MUC12: variants seen among roughly 807,000 people sequenced by gnomAD.
MUC12 encodes the protein mucin-12.
A neutral mutation model predicts 230.8 loss-of-function variants in MUC12; 172 were observed. That is an observed-to-expected ratio of 0.75 (90% CI 0.66 to 0.85). The LOEUF (loss-of-function observed/expected upper bound fraction) is 0.85. Among genes scored for constraint, MUC12 ranks in the 40% least tolerant of loss-of-function variants. The probability of loss-of-function intolerance (pLI) is 0.00; values close to 1 mark genes in which losing one functional copy is unlikely to be tolerated. For missense variants in MUC12, 3,506 were observed against 5,920.6 expected (o/e 0.59, Z 13.38); for synonymous variants, 1,259 against 2,401.9 (o/e 0.52, Z 13.91).
At position 101,004,722 on chromosome 7, in the gene MUC12, C is replaced by G. The variant is rs915396845; in HGVS notation, c.14159C>G (p.Ser4720Ter). The stretch of plus-strand genomic sequence containing the variant: ...ACCACCTTCTATATCTCTCCAGGCT[C>G]AATGGAAACAACATTAGCCAGCACT... ...ESTTFYISPG[S>*]METTLASTAT... Residue 4720 changes from serine (S) to a stop codon, truncating the protein, a stop_gained, in exon 2 of 12, where the codon TCA becomes TGA. Transcript: ENST00000536621. LOFTEE classifies it high-confidence loss of function. The G allele has an allele frequency of 6.5e-6, 10 of 1,536,944 alleles. No homozygotes were observed. Among genetic ancestry groups the G allele is most frequent in the African/African-American group, 2.7e-5 (2 of 72,992 alleles).
chr7:101,004,552 C>G lies in MUC12; in HGVS notation c.13989C>G (p.Gly4663=), dbSNP rs1562791425. Residue 4663 remains glycine, a synonymous_variant, in exon 2 of 12, where the codon GGC becomes GGG. Coordinates refer to ENST00000536621, the MANE Select transcript of MUC12 (RefSeq NM_001164462.2). ...EEPTSYHSSP[G]SIATTHFPES... ...CTACCAGCTACCACAGCAGCCCGGG[C>G]TCAATTGCAACAACACACTTTCCTG... 5.9e-6 allele frequency: 9 copies of G among 1,537,220 alleles called. No individual in the cohort carries two copies. The highest frequency in any genetic ancestry group is 6.1e-6 in the Non-Finnish European group (7 of 1,146,854).
At chr7:100,988,866 C>T (rs1793234725) in intron 1 of MUC12, among the ~76,000 whole-genome samples, 1 of 152,108 alleles carries the variant, frequency 6.6e-6, no homozygotes, top group African/African-American at 2.4e-5. Flanking sequence ...CAGTTTCCCC[C>T]ATACTGTTCT....
At chr7:100,969,926 G>T (rs1792821444) in intron 1 of MUC12, among the ~76,000 whole-genome samples, 1 of 152,308 alleles carries the variant, frequency 6.6e-6, no homozygotes, top group Admixed American at 6.5e-5. Context: ...ACAGCTCCTG[G>T]CTGAGGGGCG....
At chr7:101,009,458 T>C (rs1344390957) in intron 5 of MUC12, among the ~76,000 whole-genome samples, 1 of 151,220 alleles carries the variant, frequency 6.6e-6, no homozygotes, top group African/African-American at 2.4e-5. Context: ...CTGCTTAGAG[T>C]TTCAGTAAGG....
chr7:101,011,952 G>A (rs1793844368), intron 5 of MUC12, among the ~76,000 whole-genome samples: 1 of 151,994 alleles, frequency 6.6e-6, no homozygotes, highest in South Asian at 2.1e-4. Flanking sequence ...TAAATTTTTT[G>A]AGGAGCTCCA....
At position 100,995,736 on chromosome 7, in the gene MUC12, A is replaced by C; in HGVS notation, c.5173A>C (p.Thr1725Pro). The change falls in exon 2 of 12, where the codon ACA becomes CCA. Residue 1725 changes from threonine to proline, a missense_variant. Coordinates refer to ENST00000536621, the MANE Select transcript of MUC12 (RefSeq NM_001164462.2). ...CCACGGCAGCCCGAGCTCAACTCCA[A>C]CAACCCACTTTTCTGCCAGCTCCAC... ...TSHGSPSSTP[T>P]THFSASSTTL... 6.5e-7 allele frequency: 1 copy of C among 1,534,812 alleles called. No individual in the cohort carries two copies. The highest frequency in any genetic ancestry group is 1.4e-5 in the African/African-American group (1 of 71,906).
At chr7:100,983,406 C>G (rs1020668339) in intron 1 of MUC12, among the ~76,000 whole-genome samples, 2 of 147,642 alleles carry the variant, frequency 1.4e-5, no homozygotes, top group Non-Finnish European at 3.0e-5. Flanking sequence ...GGCAACAGAG[C>G]GAGACTCCGT....
At chr7:100,984,044 C>T (rs980437842) in intron 1 of MUC12, among the ~76,000 whole-genome samples, 1 of 152,100 alleles carries the variant, frequency 6.6e-6, no homozygotes. Flanking sequence ...GGTCTAGGAG[C>T]CCCCATGAGG....
intron 1 of MUC12, among the ~76,000 whole-genome samples, chr7:100,975,979 CTGAG>C (rs951577081): frequency 3.3e-4 from 51 of 152,410 alleles, no homozygotes; most frequent in Admixed American, 2.0e-3. Context: ...ACCCGATAGT[CTGAG>C]TATCATATTA....
chr7:101,014,618 C>T (rs1793888594), intron 9 of MUC12, among the ~76,000 whole-genome samples: 1 of 152,032 alleles, frequency 6.6e-6, no homozygotes, highest in Admixed American at 6.6e-5. Flanking sequence ...GCTGGGATTA[C>T]AAGTGCATTC....
At position 100,992,488 on chromosome 7, in the gene MUC12, A is replaced by T; in HGVS notation, c.1925A>T (p.Asp642Val). The change falls in exon 2 of 12, where the codon GAC (aspartate) becomes GTC (valine). Residue 642 changes from aspartate (D) to valine (V), a missense_variant. Coordinates refer to ENST00000536621, the MANE Select transcript of MUC12 (RefSeq NM_001164462.2). ...TTCCATAGCTGGCCAAGCTCAAAGG[A>T]CACTAGGCCTGCACCTCCTACTACC... ...TTFHSWPSSK[D>V]TRPAPPTTTS... 6.5e-7 allele frequency: 1 copy of T among 1,537,882 alleles called. No individual in the cohort carries two copies. Among genetic ancestry groups the T allele is most frequent in the Non-Finnish European group, 8.7e-7 (1 of 1,147,036 alleles).
Position 100,991,263 on chromosome 7 carries a change from A to G in MUC12, c.700A>G (p.Thr234Ala), listed in dbSNP as rs1793291275. 6.5e-7 allele frequency: 1 copy of G among 1,537,430 alleles called. No homozygotes were observed. The part of the protein sequence containing the change: ...FHSSPGYTKT[T>A]RLPDNTTTSG... ...CAGCAGCCCAGGCTACACTAAAACA[A>G]CACGCTTACCTGACAACACCACAAC... Residue 234 changes from threonine to alanine, a missense_variant, in exon 2 of 12, where the codon ACA (threonine) becomes GCA (alanine). Coordinates refer to ENST00000536621, the MANE Select transcript of MUC12 (RefSeq NM_001164462.2).
rs568925948 is a variant in MUC12, at chr7:100,975,219, T to G, written c.67+5530T>G. On this transcript the variant is annotated intron_variant, in intron 1 of 11. Transcript: ENST00000536621. ...TGACTGGAACCACTATCCTGTTTTA[T>G]GTACATGAAGTTGCACAGTGTTCCT... is the stretch of plus-strand genomic sequence containing the variant. Among the ~76,000 whole-genome samples the G allele has an allele frequency of 4.6e-5, 7 of 152,422 alleles. No individual in the cohort carries two copies. The South Asian group carries it at 1.4e-3, about 32-fold the overall frequency.
At chr7:100,973,398 G>GAGGCCTTGGGTCTCAGGGGA (rs1290826866) in intron 1 of MUC12, among the ~76,000 whole-genome samples, 2 of 150,776 alleles carry the variant, frequency 1.3e-5, no homozygotes, top group African/African-American at 2.4e-5. Flanking sequence ...AGCTGTCCTG[G>GAGGCCTTGGGTCTCAGGGGA]GCTTCTAGGA....
In MUC12 at chr7:100,991,250, C is replaced by T; in HGVS notation, c.687C>T (p.Gly229=). ...CTACTACCTTCCACAGCAGCCCAGGCTACACTAAAACAACACGCTTACCTG... is the reference window on the plus strand; with the variant it reads ...CTACTACCTTCCACAGCAGCCCAGGTTACACTAAAACAACACGCTTACCTG... ...PESTTFHSSP[G]YTKTTRLPDN... Residue 229 remains glycine (G), a synonymous_variant, in exon 2 of 12, where the codon GGC becomes GGT. Coordinates refer to ENST00000536621, the MANE Select transcript of MUC12 (RefSeq NM_001164462.2). The T allele has an allele frequency of 3.3e-6, 5 of 1,537,566 alleles. No homozygotes were observed. The highest frequency in any genetic ancestry group is 4.4e-6 in the Non-Finnish European group (5 of 1,146,976).
At position 101,005,450 on chromosome 7, in the gene MUC12, A is replaced by T; in HGVS notation, c.14887A>T (p.Thr4963Ser). ...STSGLTEEST[T>S]FHTSPSFTST... ...ATCAGGCCTCACTGAGGAATCTACC[A>T]CCTTCCACACCAGTCCAAGCTTCAC... The change falls in exon 2 of 12, where the codon ACC becomes TCC. Residue 4963 changes from threonine to serine, a missense_variant. Physicochemically the swap from Thr to Ser is moderately conservative, Grantham distance 58. Coordinates refer to ENST00000536621, the MANE Select transcript of MUC12 (RefSeq NM_001164462.2). The T allele has an allele frequency of 6.5e-7, 1 of 1,537,718 alleles. No homozygotes were observed. Among genetic ancestry groups the T allele is most frequent in the Non-Finnish European group, 8.7e-7 (1 of 1,146,998 alleles).
chr7:101,004,702 C>T lies in MUC12; in HGVS notation c.14139C>T (p.Thr4713=), dbSNP rs1793703684. ...TTSGRIAEST[T]FYISPGSMET... ...CAGGCCGCATTGCAGAATCTACCAC[C>T]TTCTATATCTCTCCAGGCTCAATGG... Residue 4713 remains threonine, a synonymous_variant, in exon 2 of 12, where the codon ACC becomes ACT. Coordinates refer to ENST00000536621, the MANE Select transcript of MUC12 (RefSeq NM_001164462.2). The T allele has an allele frequency of 6.5e-7, 1 of 1,537,802 alleles. No individual in the cohort carries two copies.
At chr7:101,010,231 G>C (rs748777089) in intron 5 of MUC12, among the ~76,000 whole-genome samples, 58 of 152,090 alleles carry the variant, frequency 3.8e-4, no homozygotes, top group Non-Finnish European at 6.0e-4. Context: ...TAGAATGGGG[G>C]AAGGAGATGA....
intron 1 of MUC12, among the ~76,000 whole-genome samples, chr7:100,977,092 C>G (rs1298040174): frequency 7.0e-6 from 1 of 143,808 alleles, no homozygotes; most frequent in Non-Finnish European, 1.5e-5. Flanking sequence ...AGAAATTGCT[C>G]AATACCACCC....
Sources: gnomAD v4.1 joint callset for allele counts (sites outside exome capture counted in the v4.1 genomes callset) on GRCh38, gnomAD v4.1.1 for gene constraint, MANE v1.5 for transcripts, NCBI Gene and HGNC (gene_info 2026-07-23, HGNC 2026-07-21) for gene names.